SLC9A4: variants seen among roughly 807,000 people sequenced by gnomAD.
SLC9A4 encodes solute carrier family 9 member A4, also known as sodium/hydrogen exchanger 4.
A neutral mutation model predicts 67.4 loss-of-function variants in SLC9A4; 63 were observed. The ratio of observed to expected loss-of-function variants is 0.93; its 90% confidence interval spans 0.76 to 1.15. SLC9A4 has a LOEUF of 1.15. SLC9A4 is among the 50% of genes most tolerant of loss of function. SLC9A4 has a pLI of 0.00. For missense variants in SLC9A4, 1,089 were observed against 987.7 expected, an observed-to-expected ratio of 1.10 and a Z score of -1.38; for synonymous variants, 393 against 367.2, an observed-to-expected ratio of 1.07 and a Z score of -0.80.
In SLC9A4 at chr2:102,478,703, C is replaced by T. The variant is rs368679803; in HGVS notation, c.257-136C>T. ...GGCGACCCTCATGACACTACCAGTTCCTGCTACAGATGGGACGCTGAGGCT... is the reference window on the plus strand; with the variant it reads ...GGCGACCCTCATGACACTACCAGTTTCTGCTACAGATGGGACGCTGAGGCT... On this transcript the variant is annotated intron_variant, in intron 1 of 11. Coordinates refer to ENST00000295269, the MANE Select transcript of SLC9A4 (RefSeq NM_001011552.4). The T allele has an allele frequency of 1.5e-3, 1,187 of 804,548 alleles. 5 individuals carry two copies. The highest frequency in any genetic ancestry group is 3.2e-3 in the Admixed American group (112 of 35,152). 49.8% of individuals were successfully genotyped at this position (804,548 alleles called of 1,614,324 possible).
At chr2:102,480,570 C>T (rs905758183) in intron 2 of SLC9A4, among the ~76,000 whole-genome samples, 11 of 152,164 alleles carry the variant, frequency 7.2e-5, no homozygotes, top group African/African-American at 2.4e-4. Flanking sequence ...ATGTTTCATT[C>T]TTACAAGCAA....
At chr2:102,496,071 ACAGT>A (rs1684802647) in intron 2 of SLC9A4, among the ~76,000 whole-genome samples, 1 of 152,186 alleles carries the variant, frequency 6.6e-6, no homozygotes, top group Non-Finnish European at 1.5e-5. Flanking sequence ...TTCAAAATGC[ACAGT>A]CAAAAAAGCA....
At chr2:102,490,441 C>A (rs529073683) in intron 2 of SLC9A4, among the ~76,000 whole-genome samples, 4 of 152,196 alleles carry the variant, frequency 2.6e-5, no homozygotes, top group African/African-American at 9.7e-5. Context: ...CCTTATGTGG[C>A]CTTTCTTCTG....
chr2:102,508,382 T>G (rs1016507565), intron 5 of SLC9A4, 101 bp downstream of exon 5: 3 of 1,096,092 alleles, frequency 2.7e-6, no homozygotes, highest in Admixed American at 2.8e-5. Context: ...TTTTCAGATC[T>G]GTGCTCAATA....
chr2:102,502,827 G>A (rs906638774), intron 2 of SLC9A4, among the ~76,000 whole-genome samples: 2 of 152,258 alleles, frequency 1.3e-5, no homozygotes, highest in African/African-American at 4.8e-5. Flanking sequence ...CAGAGCGTGG[G>A]CTGCTCGGGT....
intron 2 of SLC9A4, among the ~76,000 whole-genome samples, chr2:102,493,688 C>T (rs190510441): frequency 1.4e-4 from 21 of 151,990 alleles, no homozygotes; most frequent in African/African-American, 4.8e-4. Context: ...GCTTCCATAT[C>T]ATCCACTCAA....
At chr2:102,490,306 A>T (rs1684669109) in intron 2 of SLC9A4, among the ~76,000 whole-genome samples, 1 of 152,220 alleles carries the variant, frequency 6.6e-6, no homozygotes, top group South Asian at 2.1e-4. Context: ...ACAATCTCTG[A>T]AATATGAAAG....
In SLC9A4 at chr2:102,498,115, A is replaced by T. The variant is rs148839477; in HGVS notation, c.721-5333A>T. Among the ~76,000 whole-genome samples the T allele has an allele frequency of 1.1e-4, 17 of 152,350 alleles. No homozygotes were observed. In the East Asian group the frequency reaches 2.1e-3, roughly 19 times the overall value. On this transcript the variant is annotated intron_variant, in intron 2 of 11. Coordinates refer to ENST00000295269, the MANE Select transcript of SLC9A4 (RefSeq NM_001011552.4). ...GCTGTGGACATGTTTGAGATTTAGC[A>T]TTGGCTGAGCTTTTCCCTTCAGTGT...
At chr2:102,505,604 T>G in intron 4 of SLC9A4, 133 bp downstream of exon 4, 1 of 785,824 alleles carries the variant, frequency 1.3e-6, no homozygotes, top group Non-Finnish European at 2.0e-6. Context: ...ACTAGGAACC[T>G]GGTCGTGAGC....
chr2:102,512,129 G>C, intron 6 of SLC9A4, 74 bp from the exon 7 acceptor site: 1 of 1,514,134 alleles, frequency 6.6e-7, no homozygotes, highest in Non-Finnish European at 9.1e-7. Flanking sequence ...GTTTTTTAAA[G>C]TGTCTTAGTT....
chr2:102,527,707 T>A (rs1353035372), intron 11 of SLC9A4, among the ~76,000 whole-genome samples: 1 of 152,230 alleles, frequency 6.6e-6, no homozygotes, highest in East Asian at 1.9e-4. Context: ...CAACAGTCTG[T>A]AAGAATGATC....
intron 11 of SLC9A4, among the ~76,000 whole-genome samples, chr2:102,530,747 G>T (rs566713812): frequency 6.6e-6 from 1 of 152,220 alleles, no homozygotes; most frequent in African/African-American, 2.4e-5. Context: ...TAGAGAACAT[G>T]TTAAAGGAGA....
At chr2:102,527,018 A>C (rs1288038142) in intron 11 of SLC9A4, among the ~76,000 whole-genome samples, 1 of 152,186 alleles carries the variant, frequency 6.6e-6, no homozygotes, top group African/African-American at 2.4e-5. Context: ...TAAACTAAAC[A>C]TAAAGGATTT....
Position 102,505,487 on chromosome 2 carries a change from G to A in SLC9A4, c.1198+16G>A. The stretch of plus-strand genomic sequence containing the variant: ...AGAGCCATCAGTAAGAGACGGCAGG[G>A]CTCCAGAGTCTCCGGTCCTGCTGCA... On this transcript the variant is annotated intron_variant, in intron 4 of 11. Coordinates refer to ENST00000295269, the MANE Select transcript of SLC9A4 (RefSeq NM_001011552.4). 6.2e-7 allele frequency: 1 copy of A among 1,610,278 alleles called. No individual in the cohort carries two copies. The highest frequency in any genetic ancestry group is 8.5e-7 in the Non-Finnish European group (1 of 1,178,014).
rs577321357 is a variant in SLC9A4, at chr2:102,527,784, A to G, written c.2038+1438A>G. Among the ~76,000 whole-genome samples, 16 of 152,302 alleles carry G rather than the reference A, an allele frequency of 1.1e-4. No individual in the cohort carries two copies. The South Asian group carries it at 2.3e-3, about 22-fold the overall frequency. ...TCTGTGATATCGTAGCATAAAATTT[A>G]TATGTCAGATTTAATTTTCATATGA... On this transcript the variant is annotated intron_variant, in intron 11 of 11. Coordinates refer to ENST00000295269, the MANE Select transcript of SLC9A4 (RefSeq NM_001011552.4).
At chr2:102,506,284 G>C (rs955996875) in intron 4 of SLC9A4, among the ~76,000 whole-genome samples, 6 of 152,124 alleles carry the variant, frequency 3.9e-5, no homozygotes, top group Admixed American at 3.9e-4. Flanking sequence ...CTATTTTTAA[G>C]TGACTTGACT....
chr2:102,526,824 AATT>A (rs1190481936), intron 11 of SLC9A4, among the ~76,000 whole-genome samples: 37 of 152,322 alleles, frequency 2.4e-4, no homozygotes, highest in Non-Finnish European at 4.4e-4. Context: ...TTTAATATTT[AATT>A]ATTAAGTGGA....
chr2:102,519,767 C>T, intron 8 of SLC9A4, 92 bp from the exon 9 acceptor site: 2 of 1,191,578 alleles, frequency 1.7e-6, no homozygotes, highest in East Asian at 2.5e-5. Context: ...TTAGGATTCC[C>T]CTCAGTACAG....
chr2:102,509,063 C>T, intron 6 of SLC9A4, 130 bp downstream of exon 6: 1 of 761,598 alleles, frequency 1.3e-6, no homozygotes, highest in Non-Finnish European at 2.1e-6. Context: ...GTATAAGTTT[C>T]CTATGGCTGC....
Sources: allele counts gnomAD v4.1 joint callset (sites outside exome capture counted in the v4.1 genomes callset), GRCh38; gene constraint gnomAD v4.1.1; transcripts MANE v1.5; gene names NCBI Gene and HGNC (gene_info 2026-07-23, HGNC 2026-07-21).